Variants in PBX1 observed in about 807,000 individuals in gnomAD.
PBX1 encodes the protein pre-B-cell leukemia transcription factor 1.
PBX1 carries 6 observed loss-of-function variants against 53.4 expected under a neutral mutation model. That is an observed-to-expected ratio of 0.11 (90% CI 0.06 to 0.22). The LOEUF (loss-of-function observed/expected upper bound fraction) is 0.22, where lower values mean the gene tolerates loss of function less well. Among genes scored for constraint, PBX1 ranks in the 10% least tolerant of loss-of-function variants. The probability of loss-of-function intolerance (pLI) is 1.00; values close to 1 mark genes in which losing one functional copy is unlikely to be tolerated. For missense variants in PBX1, 251 were observed against 551.4 expected, an observed-to-expected ratio of 0.46 and a Z score of 5.46; for synonymous variants, 204 against 212.3, an observed-to-expected ratio of 0.96 and a Z score of 0.34.
chr1:164,808,050 T>C (rs1385850936), intron 5 of PBX1, among the ~76,000 whole-genome samples: 1 of 152,232 alleles, frequency 6.6e-6, no homozygotes, highest in Non-Finnish European at 1.5e-5. Flanking sequence ...AGCCATTTTT[T>C]GCCCAACCCA....
At chr1:164,781,322 T>TA (rs977178570) in intron 2 of PBX1, among the ~76,000 whole-genome samples, 58 of 152,258 alleles carry the variant, frequency 3.8e-4, no homozygotes, top group African/African-American at 1.3e-3. Context: ...CTCCTCTAAG[T>TA]AGGGTGCATT....
At chr1:164,611,958 C>G (rs527844662) in intron 2 of PBX1, among the ~76,000 whole-genome samples, 70 of 152,290 alleles carry the variant, frequency 4.6e-4, no homozygotes, top group African/African-American at 1.7e-3. Context: ...TCAGGTTACA[C>G]CCCAGCCTCC....
rs770921151 is a variant in PBX1, at chr1:164,792,604, TCGGCGGCAG to T, written c.393_401del (p.Ala133_Ala135del). 9 of 1,612,510 alleles carry T rather than the reference TCGGCGGCAG, an allele frequency of 5.6e-6. No individual in the cohort carries two copies. Among genetic ancestry groups the T allele is most frequent in the East Asian group, 2.2e-5 (1 of 44,842 alleles). On this transcript the variant is annotated inframe_deletion, in exon 3 of 9. Coordinates refer to ENST00000420696, the MANE Select transcript of PBX1 (RefSeq NM_002585.4). ...GGCGGGGCCTGAGAAGGGCGGAGGG[TCGGCGGCAG>T]CGGCGGCAGCGGCGGCGGCTTCTGG...
chr1:164,731,353 C>T (rs1242967064), intron 2 of PBX1, among the ~76,000 whole-genome samples: 2 of 149,788 alleles, frequency 1.3e-5, no homozygotes, highest in South Asian at 4.2e-4. Flanking sequence ...CTTCTGATTT[C>T]AGCCTGTCAC....
intron 2 of PBX1, among the ~76,000 whole-genome samples, chr1:164,871,998 A>G (rs1187763023): frequency 6.6e-6 from 1 of 152,218 alleles, no homozygotes; most frequent in African/African-American, 2.4e-5. Flanking sequence ...AAATATTGAA[A>G]GAAATAATAC....
intron 8 of PBX1, among the ~76,000 whole-genome samples, chr1:164,825,841 A>G (rs1408921042): frequency 2.6e-5 from 4 of 152,102 alleles, no homozygotes; most frequent in Non-Finnish European, 4.4e-5. Flanking sequence ...AAGTATATAT[A>G]CCTGTTTGTA....
chr1:164,796,868 A>G (rs1380973513), intron 3 of PBX1, among the ~76,000 whole-genome samples: 1 of 152,214 alleles, frequency 6.6e-6, no homozygotes, highest in Admixed American at 6.5e-5. Flanking sequence ...TAACAATTGT[A>G]ACCCCAAGTA....
chr1:164,647,446 G>A (rs1357809573), intron 2 of PBX1, among the ~76,000 whole-genome samples: 1 of 152,142 alleles, frequency 6.6e-6, no homozygotes, highest in Non-Finnish European at 1.5e-5. Context: ...TTTGTTATCA[G>A]GGAAAGTCAC....
intron 5 of PBX1, among the ~76,000 whole-genome samples, chr1:164,808,324 G>A (rs549050335): frequency 1.3e-5 from 2 of 152,238 alleles, no homozygotes; most frequent in South Asian, 4.1e-4. Flanking sequence ...TTTTCAACAC[G>A]AATATGAAGC....
intron 2 of PBX1, among the ~76,000 whole-genome samples, chr1:164,738,925 C>G (rs1336037853): frequency 6.6e-6 from 1 of 152,318 alleles, no homozygotes; most frequent in African/African-American, 2.4e-5. Flanking sequence ...CTCATCCTTA[C>G]TTCTCATTTC....
chr1:164,808,572 A>G (rs1429054037), intron 5 of PBX1, among the ~76,000 whole-genome samples: 1 of 152,234 alleles, frequency 6.6e-6, no homozygotes, highest in Non-Finnish European at 1.5e-5. Flanking sequence ...AGGCTACTGT[A>G]GCGAGAAATT....
At chr1:164,754,175 A>C (rs931613504) in intron 2 of PBX1, among the ~76,000 whole-genome samples, 1 of 152,000 alleles carries the variant, frequency 6.6e-6, no homozygotes. Context: ...GTGGACGGGA[A>C]CTCAGACCCA....
rs41266620 is a variant in PBX1 at position 164,848,442 on chromosome 1, A to G, written c.*1766A>G. The G allele has an allele frequency of 9.5e-6, 10 of 1,056,070 alleles. No individual in the cohort carries two copies. Among genetic ancestry groups the G allele is most frequent in the Non-Finnish European group, 1.0e-5 (9 of 873,570 alleles). The allele number at this position is 1,056,070 out of a possible 1,614,324, so 65.4% of individuals were successfully genotyped here. On this transcript the variant is annotated 3_prime_UTR_variant, in exon 9 of 9. Coordinates refer to ENST00000420696, the MANE Select transcript of PBX1 (RefSeq NM_002585.4). The stretch of plus-strand genomic sequence containing the variant: ...GATTTTGTTCATATCCAATCTGTAA[A>G]TGCGAAGTCAGGGGAAGTAATGTCC...
chr1:164,680,408 T>A (rs552007181), intron 2 of PBX1: 1 of 152,340 alleles, frequency 6.6e-6, no homozygotes, highest in South Asian at 2.1e-4. Context: ...AATTTTTGAT[T>A]CAGTGGGTAC....
At chr1:164,625,735 G>A (rs991829593) in intron 2 of PBX1, among the ~76,000 whole-genome samples, 3 of 151,144 alleles carry the variant, frequency 2.0e-5, no homozygotes, top group African/African-American at 7.3e-5. Context: ...AATACTAAGT[G>A]GAGATTCTTT....
intron 2 of PBX1, among the ~76,000 whole-genome samples, chr1:164,759,266 G>T (rs534890304): frequency 1.3e-5 from 2 of 152,306 alleles, no homozygotes; most frequent in South Asian, 4.1e-4. Context: ...GCAACGATTA[G>T]GATCATTATT....
At position 164,766,369 on chromosome 1, in the gene PBX1, T is replaced by A. The variant is rs181303783; in HGVS notation, c.266-26125T>A. Among the ~76,000 whole-genome samples the A allele has an allele frequency of 4.6e-5, 7 of 152,300 alleles. No homozygotes were observed. The East Asian group carries it at 1.4e-3, about 29-fold the overall frequency. ...ACTTTACAGTTTCCAGAGCACTTTA[T>A]TTTCTTATTTCTATTTTCTCTCACT... On this transcript the variant is annotated intron_variant, in intron 2 of 8. Transcript: ENST00000420696.
In PBX1 at chr1:164,648,072, C is replaced by T. The variant is rs201916979; in HGVS notation, c.265+84761C>T. ...CCTCGTGATCTGCCCATCTCGGTCT[C>T]CCAAAGTGCTGGGATTGCAGGCGTG... On this transcript the variant is annotated intron_variant, in intron 2 of 8. Transcript: ENST00000420696. Among the ~76,000 whole-genome samples, 175 of 152,184 alleles carry T rather than the reference C, an allele frequency of 1.1e-3. 5 individuals carry two copies. In the East Asian group the frequency reaches 0.03, roughly 26 times the overall value.
chr1:164,734,092 T>A (rs1665142266), intron 2 of PBX1, among the ~76,000 whole-genome samples: 1 of 152,238 alleles, frequency 6.6e-6, no homozygotes, highest in Non-Finnish European at 1.5e-5. Context: ...GTTTGCTGAC[T>A]GTGATTTTAA....
Sources: gnomAD v4.1 joint callset for allele counts (sites outside exome capture counted in the v4.1 genomes callset) on GRCh38, gnomAD v4.1.1 for gene constraint, MANE v1.5 for transcripts, NCBI Gene and HGNC (gene_info 2026-07-23, HGNC 2026-07-21) for gene names.